The following SYNPR variants were observed in gnomAD, a reference collection of about 807,000 sequenced individuals.
SYNPR encodes synaptoporin.
In SYNPR, 23 loss-of-function variants were observed where a neutral mutation model predicts 32.9. That is an observed-to-expected ratio of 0.70 (90% CI 0.50 to 0.99). The LOEUF (loss-of-function observed/expected upper bound fraction) is 0.99, where lower values mean the gene tolerates loss of function less well. SYNPR is among the 50% of genes least tolerant of loss of function. The pLI is 0.00. For missense variants in SYNPR, 318 were observed against 349.3 expected, an observed-to-expected ratio of 0.91 and a Z score of 0.71; for synonymous variants, 146 against 135.9, an observed-to-expected ratio of 1.07 and a Z score of -0.52.
intron 2 of SYNPR, among the ~76,000 whole-genome samples, chr3:63,473,357 CA>C (rs1553639515): frequency 6.6e-6 from 1 of 152,002 alleles, no homozygotes; most frequent in Non-Finnish European, 1.5e-5. Context: ...AAATAGACAG[CA>C]AGTTCCCTGG....
chr3:63,423,324 C>T (rs1699832893), intron 2 of SYNPR, among the ~76,000 whole-genome samples: 1 of 152,140 alleles, frequency 6.6e-6, no homozygotes, highest in Non-Finnish European at 1.5e-5. Context: ...AATGGACTCC[C>T]TGCCCCACAC....
At chr3:63,586,352 G>A (rs573866524) in intron 4 of SYNPR, among the ~76,000 whole-genome samples, 7 of 151,560 alleles carry the variant, frequency 4.6e-5, no homozygotes, top group South Asian at 2.1e-4. Flanking sequence ...AAAATTTTTC[G>A]TAATTGCCAA....
Position 63,413,910 on chromosome 3 carries a change from CA to C in SYNPR, c.85-66919del, listed in dbSNP as rs1189659964. Among the ~76,000 whole-genome samples, 19 of 152,028 alleles carry C rather than the reference CA, an allele frequency of 1.2e-4. No homozygotes were observed. The South Asian group carries it at 2.5e-3, about 20-fold the overall frequency. On this transcript the variant is annotated intron_variant, in intron 2 of 5. Transcript: ENST00000478300. ...TAGAAGCTAGGAGCTGAAGTATCCTCAAATTAGGAGCCTTTCTCCATTTATT... is the reference window on the plus strand; with the variant it reads ...TAGAAGCTAGGAGCTGAAGTATCCTCAATTAGGAGCCTTTCTCCATTTATT...
chr3:63,509,245 A>G (rs1701646644), intron 3 of SYNPR, among the ~76,000 whole-genome samples: 1 of 141,538 alleles, frequency 7.1e-6, no homozygotes, highest in Non-Finnish European at 1.5e-5. Context: ...ATATACACAC[A>G]CATACACACA....
intron 2 of SYNPR, among the ~76,000 whole-genome samples, chr3:63,381,899 A>AG (rs2087975704): frequency 6.6e-6 from 1 of 151,988 alleles, no homozygotes. Flanking sequence ...TGGCTTTTTT[A>AG]GGGGTTCCTT....
In SYNPR at chr3:63,242,155, A is replaced by C. The variant is rs530344901; in HGVS notation, n.67-10344A>C. ...AAAAGATAATGTGAATTCAAATTCA[A>C]AACCAAAAGACAGAAATACCCATTT... On this transcript the variant is annotated intron_variant and non_coding_transcript_variant, in intron 1 of 4. Transcript: ENST00000478456. 2.6e-5 allele frequency among the ~76,000 whole-genome samples: 4 copies of C among 152,294 alleles called. No homozygotes were observed. The East Asian group carries it at 7.7e-4, about 29-fold the overall frequency.
intron 3 of SYNPR, among the ~76,000 whole-genome samples, chr3:63,532,279 G>A (rs936332667): frequency 4.5e-4 from 69 of 152,254 alleles, no homozygotes; most frequent in African/African-American, 1.6e-3. Context: ...CTAGCTACAC[G>A]ACATTTTATG....
At chr3:63,361,442 C>G (rs564767487) in intron 2 of SYNPR, among the ~76,000 whole-genome samples, 18 of 151,764 alleles carry the variant, frequency 1.2e-4, no homozygotes, top group Admixed American at 3.9e-4. Flanking sequence ...AAAAAAAATA[C>G]AAAAAATTAG....
At chr3:63,519,492 A>G (rs1701865759) in intron 3 of SYNPR, among the ~76,000 whole-genome samples, 2 of 152,194 alleles carry the variant, frequency 1.3e-5, no homozygotes, top group Non-Finnish European at 2.9e-5. Context: ...GCTTGCCCAT[A>G]GCTGTGCTCC....
Position 63,578,674 on chromosome 3 carries a change from T to C in SYNPR, c.408+21933T>C, listed in dbSNP as rs1031873993. The stretch of plus-strand genomic sequence containing the variant: ...TGAAATGAGTAAATGGAGGTTTTCC[T>C]TAACCATCCCTAACCAAAGAGAAAG... On this transcript the variant is annotated intron_variant, in intron 4 of 5. Coordinates refer to ENST00000478300, the MANE Select transcript of SYNPR (RefSeq NM_001130003.2). Among the ~76,000 whole-genome samples the C allele has an allele frequency of 2.7e-4, 41 of 152,300 alleles. 1 individual carries two copies. Among genetic ancestry groups the C allele is most frequent in the African/African-American group, 9.4e-4 (39 of 41,572 alleles).
chr3:63,576,801 A>AAAG (rs900295052), intron 4 of SYNPR, among the ~76,000 whole-genome samples: 2 of 151,458 alleles, frequency 1.3e-5, no homozygotes, highest in Admixed American at 6.6e-5. Context: ...AAAAAAAAAA[A>AAAG]AAAGAAAGAA....
intron 2 of SYNPR, among the ~76,000 whole-genome samples, chr3:63,335,992 C>T (rs2087289472): frequency 6.6e-6 from 1 of 151,854 alleles, no homozygotes; most frequent in Non-Finnish European, 1.5e-5. Context: ...GTCAGGCTGG[C>T]CTTGAACTCC....
chr3:63,219,720 T>C, the SYNPR span, among the ~76,000 whole-genome samples: 1 of 152,198 alleles, frequency 6.6e-6, no homozygotes, highest in Non-Finnish European at 1.5e-5. Flanking sequence ...GAAAATATAT[T>C]TACTATTCAT....
chr3:63,226,344 C>T (rs1334711796), upstream of SYNPR, among the ~76,000 whole-genome samples: 2 of 152,182 alleles, frequency 1.3e-5, no homozygotes, highest in African/African-American at 4.8e-5. Flanking sequence ...GGCAATACCA[C>T]TACTGGGTAT....
chr3:63,381,585 C>T (rs1417636780), intron 2 of SYNPR, among the ~76,000 whole-genome samples: 1 of 152,238 alleles, frequency 6.6e-6, no homozygotes, highest in African/African-American at 2.4e-5. Context: ...AACATGCCTA[C>T]ATTTTTATAG....
intron 2 of SYNPR, among the ~76,000 whole-genome samples, chr3:63,331,059 T>C (rs1314288090): frequency 1.3e-5 from 2 of 152,170 alleles, no homozygotes; most frequent in African/African-American, 4.8e-5. Flanking sequence ...GGTATTGGCC[T>C]AGATGAGGGT....
intron 2 of SYNPR, among the ~76,000 whole-genome samples, chr3:63,296,391 A>G (rs1231601788): frequency 2.6e-5 from 4 of 152,194 alleles, no homozygotes. Context: ...GCACCACAGC[A>G]TCTTGCCTTC....
intron 1 of SYNPR, among the ~76,000 whole-genome samples, chr3:63,243,382 C>A (rs1485290947): frequency 2.0e-5 from 3 of 151,972 alleles, no homozygotes; most frequent in African/African-American, 7.2e-5. Context: ...ACAGAGTCAA[C>A]AATAATAACT....
intron 4 of SYNPR, among the ~76,000 whole-genome samples, chr3:63,594,144 A>T (rs1039512783): frequency 5.3e-5 from 8 of 151,770 alleles, no homozygotes; most frequent in Non-Finnish European, 8.8e-5. Context: ...AGATGAAATG[A>T]GGTGGAACAG....
Sources: allele counts gnomAD v4.1 joint callset (sites outside exome capture counted in the v4.1 genomes callset), GRCh38; gene constraint gnomAD v4.1.1; transcripts MANE v1.5; gene names NCBI Gene and HGNC (gene_info 2026-07-23, HGNC 2026-07-21).